Variants in STAM observed in about 807,000 individuals in gnomAD.
The protein encoded by STAM is signal transducing adapter molecule 1.
STAM carries 16 observed loss-of-function variants against 63.4 expected under a neutral mutation model. That is an observed-to-expected ratio of 0.25 (90% CI 0.17 to 0.38). STAM has a LOEUF of 0.38. Among genes scored for constraint, STAM ranks in the 10% least tolerant of loss-of-function variants. STAM has a pLI of 1.00. For missense variants in STAM, 636 were observed against 657.1 expected (o/e 0.97, Z 0.35); for synonymous variants, 238 against 223.9 (o/e 1.06, Z -0.56).
intron 1 of STAM, among the ~76,000 whole-genome samples, chr10:17,654,493 A>T (rs1486433965): frequency 2.0e-5 from 3 of 152,136 alleles, no homozygotes; most frequent in Non-Finnish European, 4.4e-5. Flanking sequence ...AAGTGCTGGG[A>T]TTACAGGCGT....
intron 2 of STAM, among the ~76,000 whole-genome samples, chr10:17,681,195 G>A (rs1006922662): frequency 4.1e-5 from 5 of 123,442 alleles, no homozygotes; most frequent in South Asian, 5.3e-4. Context: ...TATTGAGATC[G>A]TCTTTTTTTT....
intron 13 of STAM, among the ~76,000 whole-genome samples, chr10:17,714,123 T>C (rs184619432): frequency 7.2e-5 from 11 of 152,316 alleles, no homozygotes; most frequent in Non-Finnish European, 1.3e-4. Flanking sequence ...TGCTTAAGTA[T>C]TGCCTTATTG....
intron 2 of STAM, among the ~76,000 whole-genome samples, chr10:17,677,883 C>CAAAT: frequency 6.6e-6 from 1 of 152,246 alleles, no homozygotes; most frequent in East Asian, 1.9e-4. Flanking sequence ...GTATTTATTA[C>CAAAT]AGTGCTAACT....
At chr10:17,669,683 C>A (rs1834544415) in intron 2 of STAM, among the ~76,000 whole-genome samples, 1 of 149,234 alleles carries the variant, frequency 6.7e-6, no homozygotes, top group Admixed American at 6.7e-5. Context: ...GGGAATTTCC[C>A]TTCTTTTTCT....
intron 5 of STAM, among the ~76,000 whole-genome samples, chr10:17,689,619 C>T (rs782050646): frequency 1.3e-5 from 2 of 151,892 alleles, no homozygotes; most frequent in Non-Finnish European, 2.9e-5. Context: ...CAGAATAATC[C>T]AAGACATTAT....
At chr10:17,655,295 C>T (rs781818802) in intron 1 of STAM, among the ~76,000 whole-genome samples, 16 of 152,100 alleles carry the variant, frequency 1.1e-4, no homozygotes, top group South Asian at 2.1e-4. Flanking sequence ...GCAAGTAAAT[C>T]GCTTTATTGA....
intron 5 of STAM, 85 bp downstream of exon 5, chr10:17,688,258 A>G: frequency 7.5e-7 from 1 of 1,337,876 alleles, no homozygotes; most frequent in Non-Finnish European, 9.8e-7. Context: ...CTTCATTCCC[A>G]GGTAATTTTT....
At chr10:17,655,740 C>A (rs1268140541) in intron 1 of STAM, among the ~76,000 whole-genome samples, 8 of 152,080 alleles carry the variant, frequency 5.3e-5, no homozygotes, top group Non-Finnish European at 1.2e-4. Flanking sequence ...AGATAAGAAT[C>A]TTGGTATGAG....
rs1554826296 is a variant in STAM, at chr10:17,688,095, T to C, written c.366T>C (p.Asp122=). The stretch of plus-strand genomic sequence containing the variant: ...AATGGACAGATGAATTTAAGAATGA[T>C]CCACAGCTTAGTCTAATATCAGCAA... ...MVEWTDEFKN[D]PQLSLISAMI... Residue 122 remains aspartate (D), a synonymous_variant, in exon 5 of 14, where the codon GAT becomes GAC. Coordinates refer to ENST00000377524, the MANE Select transcript of STAM (RefSeq NM_003473.4). 5 of 1,610,640 alleles carry C rather than the reference T, an allele frequency of 3.1e-6. No homozygotes were observed. Among genetic ancestry groups the C allele is most frequent in the Non-Finnish European group, 2.5e-6 (3 of 1,178,380 alleles).
chr10:17,690,174 C>A lies in STAM; in HGVS notation c.444+2001C>A, dbSNP rs139982489. ...TTGACAGCTGGAACTAGAACACAGG[C>A]ATGCTGATTCTCAGTCCAGTGTTCT... is the stretch of plus-strand genomic sequence containing the variant. On this transcript the variant is annotated intron_variant, in intron 5 of 13. Coordinates refer to ENST00000377524, the MANE Select transcript of STAM (RefSeq NM_003473.4). Among the ~76,000 whole-genome samples the A allele has an allele frequency of 1.7e-4, 26 of 152,312 alleles. No individual in the cohort carries two copies. In the East Asian group the frequency reaches 4.4e-3, roughly 26 times the overall value.
chr10:17,657,445 C>T (rs1254998888), intron 1 of STAM, among the ~76,000 whole-genome samples: 1 of 152,080 alleles, frequency 6.6e-6, no homozygotes, highest in Non-Finnish European at 1.5e-5. Context: ...ATGTTTTTGT[C>T]TGGTTTTGGT....
In STAM at chr10:17,691,104, A is replaced by C. The variant is rs561791957; in HGVS notation, c.445-2118A>C. ...ACCAGGCATACCTGTAGTTTTCAGAAGTGTCTGATAATTAAAACATTATCT... is the reference window on the plus strand; with the variant it reads ...ACCAGGCATACCTGTAGTTTTCAGACGTGTCTGATAATTAAAACATTATCT... On this transcript the variant is annotated intron_variant, in intron 5 of 13. Coordinates refer to ENST00000377524, the MANE Select transcript of STAM (RefSeq NM_003473.4). Among the ~76,000 whole-genome samples, 8 of 152,356 alleles carry C rather than the reference A, an allele frequency of 5.3e-5. No homozygotes were observed. In the East Asian group the frequency reaches 1.5e-3, roughly 29 times the overall value.
At chr10:17,703,546 T>C (rs1836114462) in intron 9 of STAM, among the ~76,000 whole-genome samples, 1 of 152,122 alleles carries the variant, frequency 6.6e-6, no homozygotes, top group Non-Finnish European at 1.5e-5. Flanking sequence ...ATTTTAGTAG[T>C]GGTCATGGTA....
At chr10:17,672,426 A>C (rs1220227510) in intron 2 of STAM, among the ~76,000 whole-genome samples, 1 of 152,176 alleles carries the variant, frequency 6.6e-6, no homozygotes, top group African/African-American at 2.4e-5. Context: ...AACCTACTGA[A>C]TTTAACTGTA....
intron 7 of STAM, 87 bp downstream of exon 7, chr10:17,695,328 A>C: frequency 1.6e-6 from 2 of 1,243,764 alleles, no homozygotes; most frequent in African/African-American, 1.5e-5. Context: ...CAGTTACCAA[A>C]TACAATAATA....
intron 2 of STAM, among the ~76,000 whole-genome samples, chr10:17,676,337 A>G (rs1554824655): frequency 6.6e-6 from 1 of 152,126 alleles, no homozygotes; most frequent in Non-Finnish European, 1.5e-5. Context: ...TCCATCTTAA[A>G]TCTCCTTTCT....
At chr10:17,703,379 T>G (rs559216973) in intron 9 of STAM, among the ~76,000 whole-genome samples, 1 of 151,944 alleles carries the variant, frequency 6.6e-6, no homozygotes, top group Non-Finnish European at 1.5e-5. Flanking sequence ...CTCTGATGAT[T>G]AATTCGTTTC....
intron 2 of STAM, among the ~76,000 whole-genome samples, chr10:17,676,765 C>T (rs548782167): frequency 6.6e-6 from 1 of 152,260 alleles, no homozygotes; most frequent in Non-Finnish European, 1.5e-5. Context: ...TTGTAATCAA[C>T]TTTCATTTGT....
chr10:17,649,395 A>T (rs1321063160), intron 1 of STAM, among the ~76,000 whole-genome samples: 7 of 28,608 alleles, frequency 2.4e-4, no homozygotes, highest in African/African-American at 1.7e-3. Context: ...CCTGTCTTTA[A>T]AAAAAAAAAA....
Sources: gnomAD v4.1 joint callset for allele counts (sites outside exome capture counted in the v4.1 genomes callset) on GRCh38, gnomAD v4.1.1 for gene constraint, MANE v1.5 for transcripts, NCBI Gene and HGNC (gene_info 2026-07-23, HGNC 2026-07-21) for gene names.